SRGAP3: variants seen among roughly 807,000 people sequenced by gnomAD.
The protein encoded by SRGAP3 is SLIT-ROBO Rho GTPase-activating protein 3.
SRGAP3 carries 39 observed loss-of-function variants against 121.1 expected under a neutral mutation model. That is an observed-to-expected ratio of 0.32 (90% CI 0.25 to 0.42). The LOEUF is 0.42. SRGAP3 is among the 10% of genes least tolerant of loss of function. The pLI, the probability that SRGAP3 is intolerant of heterozygous loss-of-function variation, is 1.00. For synonymous variants in SRGAP3, 601 were observed against 570.0 expected (o/e 1.05, Z -0.77); for missense variants, 1,213 against 1,470.6 (o/e 0.82, Z 2.86).
intron 3 of SRGAP3, among the ~76,000 whole-genome samples, chr3:9,085,782 G>A (rs116804063): frequency 0.015 from 2,330 of 152,282 alleles, 60 homozygotes; most frequent in African/African-American, 0.053. Context: ...GATACATACA[G>A]GGAAAAACAC....
At chr3:9,000,297 T>C (rs1336690552) in intron 18 of SRGAP3, among the ~76,000 whole-genome samples, 1 of 152,180 alleles carries the variant, frequency 6.6e-6, no homozygotes, top group Non-Finnish European at 1.5e-5. Context: ...ACTGAAAATG[T>C]GGGGGTTCTA....
intron 1 of SRGAP3, among the ~76,000 whole-genome samples, chr3:9,200,189 A>G (rs1471662569): frequency 2.0e-5 from 3 of 152,246 alleles, no homozygotes; most frequent in African/African-American, 7.2e-5. Context: ...AAGAAAAAGT[A>G]TGTGTCCTTT....
At chr3:9,032,231 C>A (rs1230545260) in intron 12 of SRGAP3, among the ~76,000 whole-genome samples, 3 of 152,170 alleles carry the variant, frequency 2.0e-5, no homozygotes, top group Non-Finnish European at 4.4e-5. Flanking sequence ...CACACTGATA[C>A]CCACAGGGAT....
chr3:9,254,196 C>A (rs1455130342), upstream of SRGAP3, among the ~76,000 whole-genome samples: 1 of 152,068 alleles, frequency 6.6e-6, no homozygotes, highest in African/African-American at 2.4e-5. Flanking sequence ...TAGAAACAAC[C>A]CAAATGTTGT....
intron 3 of SRGAP3, among the ~76,000 whole-genome samples, chr3:9,257,862 G>A (rs1219618552): frequency 1.3e-5 from 2 of 151,824 alleles, no homozygotes; most frequent in African/African-American, 2.4e-5. Flanking sequence ...CCACGACCGC[G>A]CCTGGCTAAT....
At chr3:9,251,384 T>C (rs758298167), upstream of SRGAP3, among the ~76,000 whole-genome samples, 11 of 152,172 alleles carry the variant, frequency 7.2e-5, no homozygotes, top group Non-Finnish European at 1.0e-4. Context: ...TCAGGCCCTT[T>C]GCTGTCCTCT....
intron 1 of SRGAP3, among the ~76,000 whole-genome samples, chr3:9,190,652 T>C (rs910954650): frequency 2.0e-5 from 3 of 152,346 alleles, no homozygotes; most frequent in African/African-American, 7.2e-5. Context: ...TCTTTTTGTT[T>C]CATTAGGTTT....
At chr3:9,176,665 A>G (rs745613485) in intron 1 of SRGAP3, among the ~76,000 whole-genome samples, 2 of 152,204 alleles carry the variant, frequency 1.3e-5, no homozygotes, top group Non-Finnish European at 2.9e-5. Context: ...GAGGCTTCCA[A>G]TCATGGTGGA....
intron 1 of SRGAP3, among the ~76,000 whole-genome samples, chr3:9,216,077 C>T (rs1162431): frequency 0.2 from 28,061 of 141,168 alleles, 2,723 homozygotes; most frequent in East Asian, 0.37. Flanking sequence ...TACTCTCCAG[C>T]TGGTTCTATC....
intron 11 of SRGAP3, chr3:9,033,870 C>T (rs961574374): frequency 2.6e-5 from 4 of 152,272 alleles, no homozygotes; most frequent in Non-Finnish European, 5.9e-5. Flanking sequence ...AAACCCAGGA[C>T]TCTTTGGCTC....
intron 1 of SRGAP3, among the ~76,000 whole-genome samples, chr3:9,179,012 G>A (rs1951283114): frequency 6.6e-6 from 1 of 152,090 alleles, no homozygotes; most frequent in South Asian, 2.1e-4. Flanking sequence ...CATGTCCCCT[G>A]TTCATACCAG....
intron 1 of SRGAP3, among the ~76,000 whole-genome samples, chr3:9,176,826 C>T (rs1367091328): frequency 1.3e-5 from 2 of 152,186 alleles, no homozygotes; most frequent in Non-Finnish European, 2.9e-5. Context: ...GGGATTCCTC[C>T]TCTACCCTGA....
intron 1 of SRGAP3, chr3:9,349,792 T>G (rs1442408581): frequency 6.6e-6 from 1 of 152,276 alleles, no homozygotes; most frequent in Non-Finnish European, 1.5e-5. Context: ...TAGTCCCACA[T>G]GTGGTCATCA....
chr3:9,022,053 G>A (rs1024351246), intron 14 of SRGAP3, among the ~76,000 whole-genome samples: 2 of 152,204 alleles, frequency 1.3e-5, no homozygotes, highest in Non-Finnish European at 2.9e-5. Flanking sequence ...AACTGGCCAG[G>A]CGCAGTGGCT....
chr3:9,344,147 C>T (rs1169336844), intron 1 of SRGAP3, among the ~76,000 whole-genome samples: 1 of 151,946 alleles, frequency 6.6e-6, no homozygotes, highest in Non-Finnish European at 1.5e-5. Context: ...TGGTGAAAGC[C>T]GATCTCTACT....
intron 1 of SRGAP3, among the ~76,000 whole-genome samples, chr3:9,240,202 T>C (rs1397741227): frequency 2.6e-5 from 4 of 152,174 alleles, no homozygotes; most frequent in Non-Finnish European, 5.9e-5. Context: ...TAAACTAGCA[T>C]AATGATTCAA....
intron 9 of SRGAP3, among the ~76,000 whole-genome samples, chr3:9,047,899 T>A (rs544754168): frequency 6.6e-6 from 1 of 152,340 alleles, no homozygotes; most frequent in South Asian, 2.1e-4. Context: ...GGGAGCTTTA[T>A]CGGATCTGTC....
intron 21 of SRGAP3, among the ~76,000 whole-genome samples, chr3:8,986,456 C>T (rs1323956968): frequency 6.6e-6 from 1 of 152,190 alleles, no homozygotes; most frequent in Non-Finnish European, 1.5e-5. Context: ...ACCCTGCCCC[C>T]TAATAATTCA....
At chr3:9,015,456 G>A (rs529635579) in intron 15 of SRGAP3, 141 bp downstream of exon 15, 34 of 1,102,698 alleles carry the variant, frequency 3.1e-5, no homozygotes, top group Non-Finnish European at 4.0e-5. Flanking sequence ...TGTTATTTCC[G>A]CTTTCAGTTC....
Sources: gnomAD v4.1 joint callset for allele counts (sites outside exome capture counted in the v4.1 genomes callset) on GRCh38, gnomAD v4.1.1 for gene constraint, MANE v1.5 for transcripts, NCBI Gene and HGNC (gene_info 2026-07-23, HGNC 2026-07-21) for gene names.